The following RNF185 variants were observed in gnomAD, a reference collection of about 807,000 sequenced individuals.
The protein encoded by RNF185 is ring finger protein 185.
A neutral mutation model predicts 24.9 loss-of-function variants in RNF185; 13 were observed. The ratio of observed to expected loss-of-function variants is 0.52; its 90% CI spans 0.34 to 0.83. The LOEUF (loss-of-function observed/expected upper bound fraction) is 0.83, where lower values mean the gene tolerates loss of function less well. Among genes scored for constraint, RNF185 ranks in the 40% least tolerant of loss-of-function variants. The pLI, the probability that RNF185 is intolerant of heterozygous loss-of-function variation, is 0.01. For missense variants in RNF185, 184 were observed against 244.7 expected, an observed-to-expected ratio of 0.75 and a Z score of 1.65; for synonymous variants, 79 against 90.3, an observed-to-expected ratio of 0.88 and a Z score of 0.71.
At chr22:31,180,911 C>CTGTGTGTGTGTG (rs1480111783) in intron 1 of RNF185, among the ~76,000 whole-genome samples, 3 of 124,444 alleles carry the variant, frequency 2.4e-5, no homozygotes, top group Non-Finnish European at 5.2e-5. Context: ...TTTTCTCTCT[C>CTGTGTGTGTGTG]TCTCTGTGTG....
At position 31,201,623 on chromosome 22, in the gene RNF185, C is replaced by G; in HGVS notation, c.481+8C>G. ...ATGGGCGGCCTCCTCCAGGTAAGAC[C>G]CTATTTCCTTGAGAAATTAGGAAGA... On this transcript the variant is annotated splice_region_variant and intron_variant, in intron 6 of 6. Transcript: ENST00000326132. 1 of 1,578,076 alleles carries G rather than the reference C, an allele frequency of 6.3e-7. No individual in the cohort carries two copies. The highest frequency in any genetic ancestry group is 1.1e-5 in the South Asian group (1 of 90,272).
intron 1 of RNF185, among the ~76,000 whole-genome samples, chr22:31,186,456 G>T (rs141390087): frequency 0.013 from 2,023 of 151,882 alleles, 19 homozygotes; most frequent in Middle Eastern, 0.027. Context: ...ACAAAAATTA[G>T]CCAGGTGTGG....
intron 1 of RNF185, among the ~76,000 whole-genome samples, chr22:31,182,686 T>G (rs1222692497): frequency 1.3e-5 from 2 of 152,084 alleles, no homozygotes; most frequent in African/African-American, 2.4e-5. Context: ...GTTGGTTTGT[T>G]TGAATCTTGT....
chr22:31,172,226 G>A (rs1285246637), intron 1 of RNF185, among the ~76,000 whole-genome samples: 1 of 152,146 alleles, frequency 6.6e-6, no homozygotes, highest in Non-Finnish European at 1.5e-5. Context: ...GGTGGCTAAT[G>A]CCTGTAATCC....
intron 1 of RNF185, among the ~76,000 whole-genome samples, chr22:31,185,578 T>G (rs540858017): frequency 1.3e-5 from 2 of 152,256 alleles, no homozygotes; most frequent in South Asian, 4.1e-4. Flanking sequence ...GAGAAAATTA[T>G]GATCAGTAGA....
chr22:31,204,757 G>C lies in RNF185; in HGVS notation c.*171G>C. 5 of 594,616 alleles carry C rather than the reference G, an allele frequency of 8.4e-6. No homozygotes were observed. In the South Asian group the frequency reaches 9.4e-5, roughly 11 times the overall value. The allele number at this position is 594,616 out of a possible 1,614,324, so 36.8% of individuals were successfully genotyped here. A position where few individuals can be genotyped will look rare whatever the true frequency, so the allele number is the denominator to read the frequency against. On this transcript the variant is annotated 3_prime_UTR_variant, in exon 7 of 7. Coordinates refer to ENST00000326132, the MANE Select transcript of RNF185 (RefSeq NM_152267.4). ...GCTTTGGAACTCGAGACCAGTTGGC[G>C]ATGACCCCTGAATATCGCCACCGCT...
At chr22:31,186,356 C>T (rs1277445224) in intron 1 of RNF185, among the ~76,000 whole-genome samples, 2 of 152,158 alleles carry the variant, frequency 1.3e-5, no homozygotes, top group African/African-American at 4.8e-5. Flanking sequence ...AATCCTAGCA[C>T]TTTGGGAAAC....
chr22:31,196,786 C>G (rs1601374784), intron 4 of RNF185, 150 bp from the exon 5 acceptor site: 2 of 979,684 alleles, frequency 2.0e-6, no homozygotes, highest in African/African-American at 3.3e-5. Context: ...ATGAAGAGTT[C>G]GTATTTGGAG....
At chr22:31,198,404 T>G (rs1044265309) in intron 5 of RNF185, among the ~76,000 whole-genome samples, 2 of 147,726 alleles carry the variant, frequency 1.4e-5, no homozygotes, top group African/African-American at 2.5e-5. Flanking sequence ...CTTTTTTTTT[T>G]TTTTTTTTTT....
At chr22:31,198,809 T>G (rs2048234308) in intron 5 of RNF185, among the ~76,000 whole-genome samples, 1 of 148,012 alleles carries the variant, frequency 6.8e-6, no homozygotes, top group African/African-American at 2.5e-5. Context: ...AAATTAAGGT[T>G]CTCGGCTGGG....
intron 6 of RNF185, among the ~76,000 whole-genome samples, chr22:31,203,698 T>C (rs1237227239): frequency 1.3e-5 from 2 of 152,210 alleles, no homozygotes; most frequent in African/African-American, 2.4e-5. Flanking sequence ...CTTATTGTTA[T>C]TGTTCCACAT....
At chr22:31,179,064 A>G (rs1460714504) in intron 1 of RNF185, among the ~76,000 whole-genome samples, 1 of 152,180 alleles carries the variant, frequency 6.6e-6, no homozygotes, top group Non-Finnish European at 1.5e-5. Context: ...AAATGCTTTG[A>G]AAACTAGAGA....
rs1702632461 is a variant in RNF185, at chr22:31,205,267, A to G, written c.*681A>G. 5.9e-6 allele frequency: 1 copy of G among 170,056 alleles called. No homozygotes were observed. Among genetic ancestry groups the G allele is most frequent in the African/African-American group, 2.4e-5 (1 of 41,516 alleles). 10.5% of individuals were successfully genotyped at this position (170,056 alleles called of 1,614,324 possible). On this transcript the variant is annotated 3_prime_UTR_variant, in exon 7 of 7. Transcript: ENST00000326132. Reference sequence around the variant, plus strand: ...TTGGCCTCAGAGAACAACTTGAATGACTTCCTGGTTTCCTGGCATAAATTA... The same window carrying G: ...TTGGCCTCAGAGAACAACTTGAATGGCTTCCTGGTTTCCTGGCATAAATTA...
chr22:31,183,610 G>A (rs1439568368), intron 1 of RNF185, among the ~76,000 whole-genome samples: 1 of 152,004 alleles, frequency 6.6e-6, no homozygotes, highest in Admixed American at 6.6e-5. Context: ...CTGCCTTCAA[G>A]CATCTGTTTA....
intron 2 of RNF185, among the ~76,000 whole-genome samples, chr22:31,189,898 T>A (rs2048140114): frequency 1.3e-5 from 2 of 149,816 alleles, no homozygotes; most frequent in Admixed American, 1.3e-4. Flanking sequence ...CTGCTATCAA[T>A]TTTTTTTTTA....
chr22:31,175,225 G>A (rs1391317398), intron 1 of RNF185, among the ~76,000 whole-genome samples: 1 of 151,974 alleles, frequency 6.6e-6, no homozygotes, highest in Non-Finnish European at 1.5e-5. Context: ...TGAGGCAGGT[G>A]GATTGCTTGA....
chr22:31,169,289 T>C (rs947506732), intron 1 of RNF185, among the ~76,000 whole-genome samples: 11 of 152,206 alleles, frequency 7.2e-5, no homozygotes, highest in Non-Finnish European at 5.9e-5. Context: ...TTTTCAGATA[T>C]ATGATTTGCA....
At chr22:31,164,250 G>A (rs1300585284) in intron 1 of RNF185, among the ~76,000 whole-genome samples, 1 of 152,084 alleles carries the variant, frequency 6.6e-6, no homozygotes, top group African/African-American at 2.4e-5. Context: ...CAAAGTGCTG[G>A]GATTACAGCC....
In RNF185 at chr22:31,204,890, A is replaced by T. The variant is rs2048300222; in HGVS notation, c.*304A>T. On this transcript the variant is annotated 3_prime_UTR_variant, in exon 7 of 7. Coordinates refer to ENST00000326132, the MANE Select transcript of RNF185 (RefSeq NM_152267.4). ...CAGGTCCTGACTCTGCAGAGGGAAG[A>T]GGCAGAAAGAGAGAAACTGTCAGAG... 1 of 281,258 alleles carries T rather than the reference A, an allele frequency of 3.6e-6. No individual in the cohort carries two copies. The highest frequency in any genetic ancestry group is 6.9e-5 in the South Asian group (1 of 14,554). The allele number at this position is 281,258 out of a possible 1,614,324, so 17.4% of individuals were successfully genotyped here.
Sources: gnomAD v4.1 joint callset for allele counts (sites outside exome capture counted in the v4.1 genomes callset) on GRCh38, gnomAD v4.1.1 for gene constraint, MANE v1.5 for transcripts, NCBI Gene and HGNC (gene_info 2026-07-23, HGNC 2026-07-21) for gene names.